The following SGCD variants were observed in gnomAD, a reference collection of about 807,000 sequenced individuals.
SGCD encodes delta-sarcoglycan.
A neutral mutation model predicts 36.6 loss-of-function variants in SGCD; 18 were observed. That is an observed-to-expected ratio of 0.49 (90% CI 0.34 to 0.73). The LOEUF is 0.73. Ranked by LOEUF, SGCD falls within the 30% of genes least tolerant of loss-of-function variation. The probability of loss-of-function intolerance (pLI) is 0.01; values close to 1 mark genes in which losing one functional copy is unlikely to be tolerated. For missense variants in SGCD, 387 were observed against 346.7 expected (o/e 1.12, Z -0.92); for synonymous variants, 133 against 130.6 (o/e 1.02, Z -0.12).
At chr5:156,711,423 TAAG>T (rs139685817) in intron 7 of SGCD, among the ~76,000 whole-genome samples, 4,011 of 152,282 alleles carry the variant, frequency 0.026, 176 homozygotes, top group African/African-American at 0.091. Flanking sequence ...CAAGCACAGA[TAAG>T]AAGGAAAGTG....
At chr5:155,986,677 C>T (rs1758338065) in intron 1 of SGCD, among the ~76,000 whole-genome samples, 1 of 152,176 alleles carries the variant, frequency 6.6e-6, no homozygotes, top group Non-Finnish European at 1.5e-5. Context: ...ACAGAATGCA[C>T]ATAAATCACC....
At chr5:156,146,041 G>A (rs779482971) in intron 3 of SGCD, among the ~76,000 whole-genome samples, 16 of 151,942 alleles carry the variant, frequency 1.1e-4, no homozygotes, top group South Asian at 1.0e-3. Flanking sequence ...GTGAAACCCC[G>A]TCACTACTAA....
chr5:156,078,236 G>A (rs1013629383), intron 1 of SGCD, among the ~76,000 whole-genome samples: 5 of 151,784 alleles, frequency 3.3e-5, no homozygotes, highest in Admixed American at 6.6e-5. Flanking sequence ...ATACAACGCC[G>A]GGTGTGGTGG....
chr5:155,787,637 T>G, the SGCD span, among the ~76,000 whole-genome samples: 2 of 152,200 alleles, frequency 1.3e-5, no homozygotes, highest in South Asian at 4.1e-4. Context: ...CTTATTTTCT[T>G]GGCTCATGTT....
chr5:155,827,892 T>G, the SGCD span, among the ~76,000 whole-genome samples: 2 of 148,360 alleles, frequency 1.3e-5, no homozygotes, highest in South Asian at 4.3e-4. Context: ...GGTTTCTCCA[T>G]GTTGGTCAGG....
chr5:156,002,506 G>A (rs1451449224), intron 1 of SGCD, among the ~76,000 whole-genome samples: 1 of 152,230 alleles, frequency 6.6e-6, no homozygotes, highest in African/African-American at 2.4e-5. Flanking sequence ...GCCCATTGAA[G>A]AGAGAGGCAC....
chr5:156,228,247 G>A (rs568148721), intron 3 of SGCD, among the ~76,000 whole-genome samples: 15 of 152,066 alleles, frequency 9.9e-5, no homozygotes, highest in African/African-American at 3.1e-4. Flanking sequence ...GGAGTATTGC[G>A]GTCCCCCACT....
intron 3 of SGCD, among the ~76,000 whole-genome samples, chr5:156,467,574 C>T (rs764692759): frequency 2.6e-5 from 4 of 152,186 alleles, no homozygotes; most frequent in Non-Finnish European, 5.9e-5. Context: ...AGAGATGGAG[C>T]ATGATGACAT....
At chr5:156,390,587 G>A (rs917515637) in intron 3 of SGCD, among the ~76,000 whole-genome samples, 6 of 152,062 alleles carry the variant, frequency 3.9e-5, no homozygotes, top group East Asian at 1.9e-4. Flanking sequence ...AAGATCAGCC[G>A]GGTGTGGTGG....
intron 1 of SGCD, among the ~76,000 whole-genome samples, chr5:156,078,468 G>A (rs1038596643): frequency 1.0e-4 from 15 of 147,148 alleles, no homozygotes; most frequent in African/African-American, 3.8e-4. Context: ...AGTTGAGATT[G>A]CACCACTGCA....
chr5:156,479,817 A>T (rs978081030), intron 3 of SGCD, among the ~76,000 whole-genome samples: 2 of 152,182 alleles, frequency 1.3e-5, no homozygotes, highest in Non-Finnish European at 1.5e-5. Flanking sequence ...CAAATCACCC[A>T]TTCACAGGTT....
At chr5:156,511,063 T>C (rs1005583424) in intron 4 of SGCD, among the ~76,000 whole-genome samples, 1 of 152,196 alleles carries the variant, frequency 6.6e-6, no homozygotes, top group African/African-American at 2.4e-5. Context: ...TTACTTACCT[T>C]AATACTGAAA....
chr5:155,932,442 C>G (rs923536795), intron 1 of SGCD, among the ~76,000 whole-genome samples: 1 of 152,118 alleles, frequency 6.6e-6, no homozygotes, highest in Non-Finnish European at 1.5e-5. Flanking sequence ...AATTTCATAT[C>G]AATAGAGGTA....
chr5:155,998,687 G>A lies in SGCD; in HGVS notation c.-281-119191G>A, dbSNP rs75792942. ...CAGGGCTTCATGCAGGAAAATACGTGTGATGTATAAACCAGTGTATATAAA... is the reference window on the plus strand; with the variant it reads ...CAGGGCTTCATGCAGGAAAATACGTATGATGTATAAACCAGTGTATATAAA... On this transcript the variant is annotated intron_variant, in intron 1 of 9. Transcript: ENST00000517913. 3.0e-3 allele frequency among the ~76,000 whole-genome samples: 454 copies of A among 152,254 alleles called. 16 individuals carry two copies. In the East Asian group the frequency reaches 0.07, roughly 23 times the overall value.
intron 3 of SGCD, among the ~76,000 whole-genome samples, chr5:156,297,800 AAAT>A (rs1561606683): frequency 1.5e-4 from 18 of 119,996 alleles, no homozygotes; most frequent in African/African-American, 9.8e-4. Flanking sequence ...AAAAATAAAT[AAAT>A]AAATAAATAA....
chr5:156,057,800 G>C (rs979337361), intron 1 of SGCD, among the ~76,000 whole-genome samples: 2 of 145,838 alleles, frequency 1.4e-5, no homozygotes, highest in Non-Finnish European at 3.1e-5. Context: ...GAAAACATCA[G>C]ATATGTTTAA....
At chr5:156,455,243 G>T (rs1754202085) in intron 3 of SGCD, among the ~76,000 whole-genome samples, 1 of 152,144 alleles carries the variant, frequency 6.6e-6, no homozygotes, top group Non-Finnish European at 1.5e-5. Context: ...CATGGTTGGG[G>T]CATAGCCAGT....
intron 3 of SGCD, among the ~76,000 whole-genome samples, chr5:156,209,392 C>A (rs1764376880): frequency 6.6e-6 from 1 of 152,162 alleles, no homozygotes; most frequent in Non-Finnish European, 1.5e-5. Context: ...AGTGCCAAGC[C>A]AGCCTCTGAG....
At chr5:156,107,206 A>T (rs1761670167) in intron 1 of SGCD, among the ~76,000 whole-genome samples, 1 of 152,170 alleles carries the variant, frequency 6.6e-6, no homozygotes. Flanking sequence ...CTAATTTCTA[A>T]TCCTCATTTT....
Sources: gnomAD v4.1 joint callset for allele counts (sites outside exome capture counted in the v4.1 genomes callset) on GRCh38, gnomAD v4.1.1 for gene constraint, MANE v1.5 for transcripts, NCBI Gene and HGNC (gene_info 2026-07-23, HGNC 2026-07-21) for gene names.